KIAA0825: variants seen among roughly 807,000 people sequenced by gnomAD.
KIAA0825 encodes the protein uncharacterized protein KIAA0825.
KIAA0825 carries 119 observed loss-of-function variants against 147.6 expected under a neutral mutation model. That is an observed-to-expected ratio of 0.81 (90% CI 0.69 to 0.94). The LOEUF (loss-of-function observed/expected upper bound fraction) is 0.94, where lower values mean the gene tolerates loss of function less well. Among genes scored for constraint, KIAA0825 ranks in the 40% least tolerant of loss-of-function variants. The pLI is 0.00. For missense variants in KIAA0825, 1,381 were observed against 1,472.7 expected (o/e 0.94, Z 1.02); for synonymous variants, 470 against 518.1 (o/e 0.91, Z 1.26).
intron 18 of KIAA0825, among the ~76,000 whole-genome samples, chr5:94,387,204 A>T (rs1182318949): frequency 6.6e-6 from 1 of 152,194 alleles, no homozygotes; most frequent in African/African-American, 2.4e-5. Context: ...TTCATGTGTC[A>T]CAATGTAATT....
intron 20 of KIAA0825, among the ~76,000 whole-genome samples, chr5:94,256,890 T>C (rs1416657167): frequency 1.3e-5 from 2 of 152,140 alleles, no homozygotes; most frequent in Non-Finnish European, 2.9e-5. Context: ...ATTTTTATCT[T>C]GTGTTCACTT....
intron 8 of KIAA0825, among the ~76,000 whole-genome samples, chr5:94,472,676 G>A (rs1428408830): frequency 3.3e-5 from 5 of 152,074 alleles, no homozygotes; most frequent in Admixed American, 2.0e-4. Context: ...CCCAGGAGGC[G>A]GAGCTTGCAG....
At chr5:94,569,192 C>T in intron 2 of KIAA0825, 1 of 209,962 alleles carries the variant, frequency 4.8e-6, no homozygotes, top group Non-Finnish European at 9.4e-6. Flanking sequence ...CCCACTAAAA[C>T]ACTTACCAAG....
intron 20 of KIAA0825, among the ~76,000 whole-genome samples, chr5:94,287,721 A>C (rs1777720152): frequency 6.6e-6 from 1 of 152,206 alleles, no homozygotes; most frequent in African/African-American, 2.4e-5. Context: ...GTGAAATGTC[A>C]GTCTCCCATT....
rs868118378 is a variant in KIAA0825 at position 94,152,855 on chromosome 5, A to T, written c.*1152T>A. The T allele has an allele frequency of 1.8e-4, 1 of 5,596 alleles. No homozygotes were observed. Among genetic ancestry groups the T allele is most frequent in the Non-Finnish European group, 3.6e-4 (1 of 2,798 alleles). The allele number at this position is 5,596 out of a possible 1,614,324, so 0.3% of individuals were successfully genotyped here. Reference sequence around the variant, plus strand: ...AAAAAAAAAAAAAAAAAAAAAAAAAATTATATATATATATATATATATATA... The same window carrying T: ...AAAAAAAAAAAAAAAAAAAAAAAAATTTATATATATATATATATATATATA... On this transcript the variant is annotated 3_prime_UTR_variant, in exon 21 of 21. Transcript: ENST00000682413.
At chr5:94,177,984 C>CAGTATCCAAG (rs1347535592) in intron 20 of KIAA0825, among the ~76,000 whole-genome samples, 4 of 151,992 alleles carry the variant, frequency 2.6e-5, no homozygotes. Flanking sequence ...TTGTAAAAGT[C>CAGTATCCAAG]AGTATCCAAG....
At chr5:94,193,000 C>T (rs1770812065) in intron 20 of KIAA0825, among the ~76,000 whole-genome samples, 2 of 152,134 alleles carry the variant, frequency 1.3e-5, no homozygotes, top group African/African-American at 4.8e-5. Context: ...TACATGAATG[C>T]TAGCCTCAGT....
chr5:94,382,335 C>A (rs1441308597), intron 20 of KIAA0825, among the ~76,000 whole-genome samples: 2 of 152,084 alleles, frequency 1.3e-5, no homozygotes, highest in East Asian at 3.9e-4. Context: ...TTAAAAAAAT[C>A]GGCATTTTCA....
At chr5:94,402,403 G>A (rs1288648527) in intron 16 of KIAA0825, among the ~76,000 whole-genome samples, 1 of 151,974 alleles carries the variant, frequency 6.6e-6, no homozygotes, top group Admixed American at 6.6e-5. Context: ...AAGGAGAGAT[G>A]GCAACAACTC....
chr5:94,351,882 A>T (rs1783709027), intron 20 of KIAA0825, among the ~76,000 whole-genome samples: 1 of 152,194 alleles, frequency 6.6e-6, no homozygotes, highest in Non-Finnish European at 1.5e-5. Context: ...CATGTAGGAG[A>T]ATGAAACTGG....
intron 1 of KIAA0825, chr5:94,592,823 G>C (rs1784587555): frequency 2.0e-6 from 1 of 490,928 alleles, no homozygotes; most frequent in Admixed American, 3.2e-5. Context: ...CTTCGGCTAA[G>C]AGCTATTTGT....
intron 20 of KIAA0825, among the ~76,000 whole-genome samples, chr5:94,216,183 T>C (rs1282283599): frequency 6.6e-6 from 1 of 152,182 alleles, no homozygotes; most frequent in African/African-American, 2.4e-5. Flanking sequence ...AATTATAGAT[T>C]AGCCAGTTTA....
At position 94,484,919 on chromosome 5, in the gene KIAA0825, A is replaced by C. The variant is rs1358975803; in HGVS notation, c.982T>G (p.Cys328Gly). ...GAVHALVTTE[C>G]PQKGRNFSLP... is the part of the protein sequence containing the mutation. ...GAGAAGTTTCTTCCTTTCTGTGGGC[A>C]TTCAGTAGTAACTGTGAAAAGAAAA... Residue 328 changes from cysteine (C) to glycine (G), a missense_variant, in exon 6 of 21, where the codon TGC becomes GGC. Coordinates refer to ENST00000682413, the MANE Select transcript of KIAA0825 (RefSeq NM_001145678.3). The C allele has an allele frequency of 1.3e-6, 2 of 1,505,886 alleles. No homozygotes were observed. Among genetic ancestry groups the C allele is most frequent in the African/African-American group, 1.4e-5 (1 of 71,996 alleles). 93.3% of individuals were successfully genotyped at this position (1,505,886 alleles called of 1,614,324 possible). A position where few individuals can be genotyped will look rare whatever the true frequency, so the allele number is the denominator to read the frequency against.
chr5:94,535,291 C>T (rs986548808), intron 3 of KIAA0825, among the ~76,000 whole-genome samples: 25 of 151,798 alleles, frequency 1.6e-4, no homozygotes, highest in Admixed American at 1.2e-3. Context: ...GGGTGGATCA[C>T]CTGAGGTCAG....
At chr5:94,159,495 A>G (rs1479082696) in intron 20 of KIAA0825, among the ~76,000 whole-genome samples, 1 of 152,050 alleles carries the variant, frequency 6.6e-6, no homozygotes, top group Non-Finnish European at 1.5e-5. Flanking sequence ...GTGCTTTCTC[A>G]CGTTCTGTGT....
intron 5 of KIAA0825, chr5:94,520,001 A>G (rs1767861297): frequency 1.8e-6 from 2 of 1,113,116 alleles, no homozygotes; most frequent in Non-Finnish European, 2.2e-6. Flanking sequence ...GAGAAATTAA[A>G]CTCTTATTTA....
chr5:94,274,578 G>A (rs988952831), intron 20 of KIAA0825, among the ~76,000 whole-genome samples: 24 of 152,052 alleles, frequency 1.6e-4, no homozygotes, highest in Admixed American at 5.9e-4. Context: ...CCATAATGAG[G>A]CTGATCAGGT....
intron 20 of KIAA0825, among the ~76,000 whole-genome samples, chr5:94,315,626 C>T (rs1779586256): frequency 1.3e-5 from 2 of 151,644 alleles, no homozygotes; most frequent in African/African-American, 4.8e-5. Context: ...AAAATAAGTA[C>T]TTCATTATGT....
At chr5:94,440,339 A>G (rs531592731) in intron 13 of KIAA0825, among the ~76,000 whole-genome samples, 2 of 152,302 alleles carry the variant, frequency 1.3e-5, no homozygotes, top group South Asian at 2.1e-4. Flanking sequence ...TACCTTGCCA[A>G]ATTTAAAACT....
Sources: allele counts gnomAD v4.1 joint callset (sites outside exome capture counted in the v4.1 genomes callset), GRCh38; gene constraint gnomAD v4.1.1; transcripts MANE v1.5; gene names NCBI Gene and HGNC (gene_info 2026-07-23, HGNC 2026-07-21).